Variants in YTHDF1 observed in about 807,000 individuals in gnomAD.
The protein encoded by YTHDF1 is YTH N6-methyladenosine RNA binding protein F1.
In YTHDF1, 16 loss-of-function variants were observed where a neutral mutation model predicts 49.1. The ratio of observed to expected loss-of-function variants is 0.33; its 90% confidence interval spans 0.22 to 0.49. YTHDF1 has a LOEUF of 0.49. YTHDF1 is among the 20% of genes least tolerant of loss of function. The probability of loss-of-function intolerance (pLI) is 0.99; values close to 1 mark genes in which losing one functional copy is unlikely to be tolerated. For synonymous variants in YTHDF1, 313 were observed against 290.1 expected (o/e 1.08, Z -0.80); for missense variants, 621 against 744.3 (o/e 0.83, Z 1.93).
intron 3 of YTHDF1, among the ~76,000 whole-genome samples, chr20:63,208,886 C>T (rs2066560455): frequency 6.6e-6 from 1 of 152,154 alleles, no homozygotes; most frequent in Admixed American, 6.5e-5. Flanking sequence ...GAAAAAAAAC[C>T]ACCCAAAACC....
chr20:63,212,553 C>G (rs573179949), intron 3 of YTHDF1, among the ~76,000 whole-genome samples: 1 of 152,316 alleles, frequency 6.6e-6, no homozygotes, highest in Non-Finnish European at 1.5e-5. Context: ...GGCCTGCTCA[C>G]CAAAGTGAGG....
At chr20:63,209,885 G>A (rs2066565903) in intron 3 of YTHDF1, among the ~76,000 whole-genome samples, 1 of 152,124 alleles carries the variant, frequency 6.6e-6, no homozygotes, top group African/African-American at 2.4e-5. Flanking sequence ...GCCTTCTTCT[G>A]GATTCCTCCT....
chr20:63,199,737 C>T (rs6090294), intron 4 of YTHDF1, among the ~76,000 whole-genome samples: 33,295 of 151,974 alleles, frequency 0.22, 3,721 homozygotes, highest in East Asian at 0.35. Context: ...GGACCACTTC[C>T]ATTTCTCTAC....
chr20:63,210,963 G>A (rs1834997426), intron 3 of YTHDF1, among the ~76,000 whole-genome samples: 1 of 152,178 alleles, frequency 6.6e-6, no homozygotes, highest in Admixed American at 6.5e-5. Context: ...AGCACCAGAA[G>A]CACAGCAAGG....
At chr20:63,215,800 C>G in intron 1 of YTHDF1, 66 bp downstream of exon 1, 1 of 1,449,860 alleles carries the variant, frequency 6.9e-7, no homozygotes. Flanking sequence ...CGTTCCAGCC[C>G]CAGGACCTCA....
intron 3 of YTHDF1, among the ~76,000 whole-genome samples, chr20:63,212,487 G>C (rs1433605157): frequency 6.6e-6 from 1 of 152,210 alleles, no homozygotes; most frequent in African/African-American, 2.4e-5. Flanking sequence ...GAAGGAATGT[G>C]AATCACAGCA....
chr20:63,206,028 G>T (rs950227524), intron 3 of YTHDF1, among the ~76,000 whole-genome samples: 1 of 151,206 alleles, frequency 6.6e-6, no homozygotes, highest in Non-Finnish European at 1.5e-5. Context: ...CTGGGGGGGT[G>T]AGCGAATCAG....
chr20:63,215,341 C>A (rs1392794242), intron 2 of YTHDF1, among the ~76,000 whole-genome samples: 1 of 152,210 alleles, frequency 6.6e-6, no homozygotes, highest in Non-Finnish European at 1.5e-5. Context: ...AATCCATGAT[C>A]ATGCGGTGGG....
chr20:63,210,574 G>T (rs891811708), intron 3 of YTHDF1, among the ~76,000 whole-genome samples: 1 of 151,938 alleles, frequency 6.6e-6, no homozygotes, highest in Non-Finnish European at 1.5e-5. Context: ...ACCAGAGGTC[G>T]GGAGTTCGAG....
At chr20:63,206,023 G>C (rs1568992712) in intron 3 of YTHDF1, among the ~76,000 whole-genome samples, 1 of 151,820 alleles carries the variant, frequency 6.6e-6, no homozygotes, top group East Asian at 1.9e-4. Flanking sequence ...CCAGACTGGG[G>C]GGGTGAGCGA....
intron 4 of YTHDF1, 48 bp downstream of exon 4, chr20:63,202,239 C>A: frequency 6.4e-7 from 1 of 1,572,216 alleles, no homozygotes; most frequent in South Asian, 1.2e-5. Context: ...CTAAGTACGG[C>A]ACCAAGGACA....
chr20:63,197,614 G>A (rs2066498279), intron 4 of YTHDF1, among the ~76,000 whole-genome samples: 3 of 152,006 alleles, frequency 2.0e-5, no homozygotes, highest in Admixed American at 2.0e-4. Context: ...GTGTGGTGGC[G>A]CACCCTGTAA....
chr20:63,204,493 T>C (rs2066535639), intron 3 of YTHDF1, among the ~76,000 whole-genome samples: 2 of 152,218 alleles, frequency 1.3e-5, no homozygotes, highest in Non-Finnish European at 2.9e-5. Context: ...GGGCACAGCG[T>C]TGGGCTCTTG....
In YTHDF1 at chr20:63,203,034, A is replaced by G. The variant is rs753302892; in HGVS notation, c.906T>C (p.Ala302=). ...CTGGGGGCTGTGCTGGGAGAGGCTG[A>G]GCCACCTGCTGGGGCTGTGGGGCAG... ...PQAAPQPQQV[A]QPLPAQPPAL... Residue 302 remains alanine, a synonymous_variant, in exon 4 of 5, where the codon GCT becomes GCC. Coordinates refer to ENST00000370339, the MANE Select transcript of YTHDF1 (RefSeq NM_017798.4). The surrounding 1 kb of genome is among the most constrained non-coding windows in gnomAD (Gnocchi z 4.4). The G allele has an allele frequency of 3.1e-6, 5 of 1,607,580 alleles. No homozygotes were observed. Among genetic ancestry groups the G allele is most frequent in the Non-Finnish European group, 4.3e-6 (5 of 1,176,180 alleles).
At chr20:63,200,646 C>T (rs1168931730) in intron 4 of YTHDF1, among the ~76,000 whole-genome samples, 1 of 152,146 alleles carries the variant, frequency 6.6e-6, no homozygotes, top group Non-Finnish European at 1.5e-5. Context: ...TAACCCATAA[C>T]CCGACACACA....
intron 3 of YTHDF1, among the ~76,000 whole-genome samples, chr20:63,204,766 C>A (rs1236998714): frequency 6.6e-6 from 1 of 152,126 alleles, no homozygotes; most frequent in African/African-American, 2.4e-5. Context: ...TGAAGAGCTG[C>A]CCAGGGCACA....
intron 3 of YTHDF1, among the ~76,000 whole-genome samples, chr20:63,204,834 A>C (rs965570042): frequency 1.3e-5 from 2 of 151,978 alleles, no homozygotes; most frequent in African/African-American, 4.8e-5. Context: ...GACTCAACTA[A>C]GGGTCTGGTC....
In YTHDF1 at chr20:63,203,987, A is replaced by G. The variant is rs1433769990; in HGVS notation, c.133-180T>C. 2.6e-5 allele frequency among the ~76,000 whole-genome samples: 4 copies of G among 152,242 alleles called. No homozygotes were observed. Among genetic ancestry groups the G allele is most frequent in the Non-Finnish European group, 4.4e-5 (3 of 68,044 alleles). On this transcript the variant is annotated intron_variant, in intron 3 of 4. Transcript: ENST00000370339. This position sits in a 1 kb window ranked among gnomAD's most constrained non-coding sequence, Gnocchi z 4.4. ...GAACCAAATCAAGACAGAGAAATTA[A>G]TAACGAACACAAACCAGGGTGCCGT...
rs1302425843 is a variant in YTHDF1 at position 63,202,729 on chromosome 20, C to T, written c.1211G>A (p.Arg404His). 1 of 1,614,158 alleles carries T rather than the reference C, an allele frequency of 6.2e-7. No individual in the cohort carries two copies. ...IKSYSEDDIHRSIKYSIWCST... is the reference protein window; with the variant it reads ...IKSYSEDDIHHSIKYSIWCST... ...ACACCAGATGGAGTACTTAATGGAG[C>T]GGTGGATGTCGTCCTCAGAGTAGCT... Residue 404 changes from arginine to histidine, a missense_variant, in exon 4 of 5, where the codon CGC (arginine) becomes CAC (histidine). Physicochemically the swap from Arg to His is conservative, Grantham distance 29. Coordinates refer to ENST00000370339, the MANE Select transcript of YTHDF1 (RefSeq NM_017798.4).
Sources: gnomAD v4.1 joint callset for allele counts (sites outside exome capture counted in the v4.1 genomes callset) on GRCh38, gnomAD v4.1.1 for gene constraint, Gnocchi (gnomAD v3.1) non-coding constraint, MANE v1.5 for transcripts, NCBI Gene and HGNC (gene_info 2026-07-23, HGNC 2026-07-21) for gene names.